DZIP1L: variants seen among roughly 807,000 people sequenced by gnomAD.
The protein encoded by DZIP1L is DAZ interacting zinc finger protein 1 like.
A neutral mutation model predicts 88.7 loss-of-function variants in DZIP1L; 90 were observed. The observed-to-expected ratio is 1.02, with a 90% CI of 0.86 to 1.21. The LOEUF is 1.21. DZIP1L is among the 50% of genes most tolerant of loss of function. The pLI, the probability that DZIP1L is intolerant of heterozygous loss-of-function variation, is 0.00. For missense variants in DZIP1L, 932 were observed against 955.8 expected (o/e 0.98, Z 0.33); for synonymous variants, 363 against 372.1 (o/e 0.98, Z 0.28).
intron 12 of DZIP1L, among the ~76,000 whole-genome samples, chr3:138,070,241 T>G (rs1243475513): frequency 2.6e-5 from 4 of 152,012 alleles, no homozygotes; most frequent in African/African-American, 9.7e-5. Context: ...TGGCACAGAG[T>G]CAACCTCAGC....
chr3:138,110,029 C>T (rs1329957200), intron 1 of DZIP1L, among the ~76,000 whole-genome samples: 1 of 152,070 alleles, frequency 6.6e-6, no homozygotes, highest in East Asian at 1.9e-4. Flanking sequence ...TGCATGTATA[C>T]CTATGTAACA....
intron 12 of DZIP1L, chr3:138,069,206 G>A (rs1943058904): frequency 1.6e-6 from 1 of 639,420 alleles, no homozygotes; most frequent in South Asian, 1.8e-5. Flanking sequence ...CCTTTATGAT[G>A]ATCCACTTCC....
At position 138,095,003 on chromosome 3, in the gene DZIP1L, A is replaced by C; in HGVS notation, c.587-20T>G. On this transcript the variant is annotated intron_variant, in intron 3 of 15. Transcript: ENST00000327532. ...GTTTTCCTGTGGGGTCCACGCAAAG[A>C]CAGGTGACCAGTTTAAGTCCAAAAA... is the stretch of plus-strand genomic sequence containing the variant. 6.2e-7 allele frequency: 1 copy of C among 1,614,084 alleles called. No homozygotes were observed. The highest frequency in any genetic ancestry group is 8.5e-7 in the Non-Finnish European group (1 of 1,180,004).
intron 8 of DZIP1L, among the ~76,000 whole-genome samples, chr3:138,083,780 G>C (rs1943785269): frequency 6.6e-6 from 1 of 152,212 alleles, no homozygotes; most frequent in Non-Finnish European, 1.5e-5. Flanking sequence ...TGAAGATGGG[G>C]AGAAGGGGGA....
At chr3:138,088,740 A>T in intron 5 of DZIP1L, 1 of 1,200,948 alleles carries the variant, frequency 8.3e-7, no homozygotes, top group Non-Finnish European at 1.0e-6. Context: ...AGAACAAATT[A>T]AAGAGTGTAG....
At position 138,095,000 on chromosome 3, in the gene DZIP1L, A is replaced by G. The variant is rs1944403743; in HGVS notation, c.587-17T>C. The G allele has an allele frequency of 6.2e-7, 1 of 1,614,100 alleles. No individual in the cohort carries two copies. The highest frequency in any genetic ancestry group is 2.2e-5 in the East Asian group (1 of 44,884). On this transcript the variant is annotated splice_polypyrimidine_tract_variant and intron_variant, in intron 3 of 15. Coordinates refer to ENST00000327532, the MANE Select transcript of DZIP1L (RefSeq NM_173543.3). The stretch of plus-strand genomic sequence containing the variant: ...TCTGTTTTCCTGTGGGGTCCACGCA[A>G]AGACAGGTGACCAGTTTAAGTCCAA...
intron 4 of DZIP1L, 134 bp from the exon 5 acceptor site, chr3:138,092,678 T>C (rs1393343518): frequency 3.5e-6 from 3 of 858,770 alleles, no homozygotes; most frequent in Non-Finnish European, 3.3e-6. Flanking sequence ...ACAGTTCCCA[T>C]TGTTTGGACT....
chr3:138,107,419 C>A (rs1021637098), intron 1 of DZIP1L, among the ~76,000 whole-genome samples: 74 of 152,272 alleles, frequency 4.9e-4, no homozygotes, highest in African/African-American at 1.5e-3. Flanking sequence ...GGCCCTTGCC[C>A]AATATTGGAC....
intron 1 of DZIP1L, among the ~76,000 whole-genome samples, chr3:138,105,233 T>G (rs1337538009): frequency 6.6e-6 from 1 of 152,134 alleles, no homozygotes; most frequent in Non-Finnish European, 1.5e-5. Context: ...TTAGAATGGT[T>G]GTCTATGAGA....
intron 8 of DZIP1L, among the ~76,000 whole-genome samples, chr3:138,082,948 C>T (rs1943734016): frequency 6.6e-6 from 1 of 152,294 alleles, no homozygotes; most frequent in East Asian, 1.9e-4. Flanking sequence ...AAAGTCATCA[C>T]ACTGAAGATG....
At position 138,084,210 on chromosome 3, in the gene DZIP1L, T is replaced by C; in HGVS notation, c.1106A>G (p.Asp369Gly). 1 of 1,614,190 alleles carries C rather than the reference T, an allele frequency of 6.2e-7. No homozygotes were observed. The highest frequency in any genetic ancestry group is 8.5e-7 in the Non-Finnish European group (1 of 1,180,012). Residue 369 changes from aspartate (D) to glycine (G), a missense_variant, in exon 8 of 16, where the codon GAT (aspartate) becomes GGT (glycine). By Grantham distance (94) the Asp-to-Gly change is moderately conservative (BLOSUM62 -1). Transcript: ENST00000327532. Reference sequence around the variant, plus strand: ...GGACTGGGCAGCTGCCTTCTTCTGATCCTGAGACAGGGAGGCCTGGAGCCT... The same window carrying C: ...GGACTGGGCAGCTGCCTTCTTCTGACCCTGAGACAGGGAGGCCTGGAGCCT... ...NQRLQASLSQ[D>G]QKKAAAQSQC... is the part of the protein sequence containing the mutation.
chr3:138,064,446 A>T, intron 15 of DZIP1L, 182 bp downstream of exon 15: 1 of 1,577,312 alleles, frequency 6.3e-7, no homozygotes, highest in Non-Finnish European at 8.6e-7. Flanking sequence ...ACTTGGATAC[A>T]AGTATTCCAA....
chr3:138,078,323 A>T (rs888057775), intron 10 of DZIP1L, among the ~76,000 whole-genome samples: 1 of 152,182 alleles, frequency 6.6e-6, no homozygotes, highest in African/African-American at 2.4e-5. Flanking sequence ...ACATTAACTG[A>T]ACAAGCAGCA....
intron 2 of DZIP1L, chr3:138,101,407 ACAG>A: frequency 1.4e-6 from 1 of 704,502 alleles, no homozygotes; most frequent in Non-Finnish European, 2.6e-6. Context: ...GCTACCCTGC[ACAG>A]CAGCCTCCCC....
intron 5 of DZIP1L, chr3:138,088,845 T>C: frequency 3.0e-5 from 30 of 999,746 alleles, no homozygotes; most frequent in Non-Finnish European, 3.6e-5. Flanking sequence ...CTGATGAGAA[T>C]GAGACTCTTA....
chr3:138,106,159 G>A (rs1384433875), intron 1 of DZIP1L, among the ~76,000 whole-genome samples: 1 of 79,220 alleles, frequency 1.3e-5, no homozygotes, highest in African/African-American at 5.2e-5. Context: ...TTTTTTTTGA[G>A]ACAGTGTCTC....
chr3:138,100,157 A>AG (rs1447596766), intron 2 of DZIP1L, among the ~76,000 whole-genome samples: 9 of 151,934 alleles, frequency 5.9e-5, no homozygotes, highest in African/African-American at 2.2e-4. Flanking sequence ...TTTCAGCCCC[A>AG]CCCTCCAGCC....
intron 8 of DZIP1L, among the ~76,000 whole-genome samples, chr3:138,082,091 C>G (rs1442701356): frequency 6.6e-6 from 1 of 152,188 alleles, no homozygotes; most frequent in East Asian, 1.9e-4. Context: ...TGGTATAATT[C>G]ATGGAAAACA....
At chr3:138,069,083 C>A in intron 12 of DZIP1L, 1 of 1,051,996 alleles carries the variant, frequency 9.5e-7, no homozygotes, top group Non-Finnish European at 1.3e-6. Context: ...AGCCATGGGT[C>A]CACTTATACG....
Sources: allele counts gnomAD v4.1 joint callset (sites outside exome capture counted in the v4.1 genomes callset), GRCh38; gene constraint gnomAD v4.1.1; transcripts MANE v1.5; gene names NCBI Gene and HGNC (gene_info 2026-07-23, HGNC 2026-07-21).